IL1RAP: variants seen among roughly 807,000 people sequenced by gnomAD.
IL1RAP encodes the protein interleukin-1 receptor accessory protein.
Under a neutral mutation model 60.7 loss-of-function variants are expected in IL1RAP, and 35 were observed. The observed-to-expected ratio is 0.58, with a 90% CI of 0.44 to 0.76. IL1RAP has a LOEUF of 0.76. IL1RAP is among the 30% of genes least tolerant of loss of function. The probability of loss-of-function intolerance (pLI) is 0.00; values close to 1 mark genes in which losing one functional copy is unlikely to be tolerated. For synonymous variants in IL1RAP, 268 were observed against 250.9 expected, an observed-to-expected ratio of 1.07 and a Z score of -0.64; for missense variants, 572 against 693.9, an observed-to-expected ratio of 0.82 and a Z score of 1.97.
chr3:190,632,039 G>A (rs1459754992), intron 9 of IL1RAP, among the ~76,000 whole-genome samples: 3 of 152,100 alleles, frequency 2.0e-5, no homozygotes, highest in African/African-American at 7.2e-5. Context: ...CTGACCTCAG[G>A]TGATCCTCCT....
intron 4 of IL1RAP, among the ~76,000 whole-genome samples, chr3:190,605,300 CTT>C (rs5855340): frequency 0.59 from 88,723 of 150,246 alleles, 29,211 homozygotes; most frequent in East Asian, 0.82. Flanking sequence ...CAGTATTCCT[CTT>C]TTTTTTTTCT....
intron 3 of IL1RAP, among the ~76,000 whole-genome samples, chr3:190,575,432 G>A (rs1263501340): frequency 6.6e-6 from 1 of 152,184 alleles, no homozygotes; most frequent in Non-Finnish European, 1.5e-5. Context: ...GTTCTCTATA[G>A]TTATAAATAA....
In IL1RAP at chr3:190,649,662, C is replaced by G. The variant is rs1211396918; in HGVS notation, c.*957C>G. 2.0e-6 allele frequency: 2 copies of G among 985,704 alleles called. No homozygotes were observed. The highest frequency in any genetic ancestry group is 1.2e-4 in the Admixed American group (2 of 16,260). 61.1% of individuals were successfully genotyped at this position (985,704 alleles called of 1,614,324 possible). ...ATACTGGGAAAGTGATTTTTTCTCA[C>G]TCGTTTTTGTTGCTCCATTGTAAAG... is the stretch of plus-strand genomic sequence containing the variant. On this transcript the variant is annotated 3_prime_UTR_variant, in exon 12 of 12. Transcript: ENST00000447382.
intron 9 of IL1RAP, among the ~76,000 whole-genome samples, chr3:190,635,232 A>C (rs1388866044): frequency 6.6e-6 from 1 of 152,124 alleles, no homozygotes; most frequent in Admixed American, 6.5e-5. Flanking sequence ...CACTCCTGAT[A>C]TTAGTAATTG....
intron 5 of IL1RAP, among the ~76,000 whole-genome samples, chr3:190,611,993 T>C (rs958218806): frequency 1.3e-5 from 2 of 152,230 alleles, no homozygotes; most frequent in Admixed American, 6.5e-5. Flanking sequence ...AATACTAATG[T>C]TACTAATAAA....
At chr3:190,539,231 T>C (rs1365205185) in intron 1 of IL1RAP, among the ~76,000 whole-genome samples, 1 of 152,056 alleles carries the variant, frequency 6.6e-6, no homozygotes, top group Admixed American at 6.6e-5. Flanking sequence ...TATATCTGTG[T>C]ATCTGTGATG....
At chr3:190,654,063 G>A (rs1207097916), downstream of IL1RAP, among the ~76,000 whole-genome samples, 2 of 151,946 alleles carry the variant, frequency 1.3e-5, no homozygotes, top group African/African-American at 4.8e-5. Context: ...AAATTAAAGA[G>A]CAACAGACTC....
At chr3:190,591,437 T>C (rs1728930204) in intron 3 of IL1RAP, among the ~76,000 whole-genome samples, 1 of 152,170 alleles carries the variant, frequency 6.6e-6, no homozygotes, top group Admixed American at 6.5e-5. Context: ...TCATATATTG[T>C]TTACCCATCT....
chr3:190,592,624 AAACTAAG>A (rs1211806115), intron 3 of IL1RAP, among the ~76,000 whole-genome samples: 1 of 152,210 alleles, frequency 6.6e-6, no homozygotes, highest in African/African-American at 2.4e-5. Flanking sequence ...TTGTATTTAC[AAACTAAG>A]AGTGAAACTC....
intron 6 of IL1RAP, among the ~76,000 whole-genome samples, 179 bp from the exon 7 acceptor site, chr3:190,623,165 T>G (rs1731929011): frequency 6.6e-6 from 1 of 152,242 alleles, no homozygotes; most frequent in Non-Finnish European, 1.5e-5. Flanking sequence ...CTTTATTTTA[T>G]GCTTTGCTTG....
At chr3:190,547,073 T>C (rs1255801041) in intron 1 of IL1RAP, among the ~76,000 whole-genome samples, 1 of 152,248 alleles carries the variant, frequency 6.6e-6, no homozygotes, top group Non-Finnish European at 1.5e-5. Flanking sequence ...GCCAGTGTTC[T>C]GTTTTTTTGT....
downstream of IL1RAP, among the ~76,000 whole-genome samples, chr3:190,652,191 G>A (rs143253175): frequency 3.4e-3 from 522 of 151,940 alleles, 2 homozygotes; most frequent in African/African-American, 0.012. Flanking sequence ...CTGGCCAGGC[G>A]CGGTGGCTCA....
intron 1 of IL1RAP, among the ~76,000 whole-genome samples, chr3:190,551,678 A>G (rs1451251452): frequency 6.6e-6 from 1 of 152,160 alleles, no homozygotes; most frequent in Non-Finnish European, 1.5e-5. Context: ...CACTGTTACA[A>G]TCTCCAAAGT....
chr3:190,658,223 CAA>C (rs929884908), exon 12 of IL1RAP: 1 of 151,976 alleles, frequency 6.6e-6, no homozygotes, highest in Non-Finnish European at 1.5e-5. Context: ...AAGGAAAAAA[CAA>C]AGAGCCAAAC....
At chr3:190,564,192 C>A (rs1359065036) in intron 2 of IL1RAP, 97 bp from the exon 3 acceptor site, 2 of 772,430 alleles carry the variant, frequency 2.6e-6, no homozygotes, top group Non-Finnish European at 4.7e-6. Flanking sequence ...TAGAACAGTC[C>A]CTAGTCTATA....
At position 190,565,946 on chromosome 3, in the gene IL1RAP, G is replaced by A. The variant is rs1726349070; in HGVS notation, c.64+1593G>A. ...ACTCACATTCCCTGATATTATATTAGCCTTCTTTCTCTTCTCTCCTCCTCC... is the reference window on the plus strand; with the variant it reads ...ACTCACATTCCCTGATATTATATTAACCTTCTTTCTCTTCTCTCCTCCTCC... On this transcript the variant is annotated intron_variant, in intron 3 of 11. Transcript: ENST00000447382. 1.3e-5 allele frequency among the ~76,000 whole-genome samples: 2 copies of A among 151,584 alleles called. 1 individual carries two copies. The highest frequency in any genetic ancestry group is 4.2e-4 in the South Asian group (2 of 4,808).
At chr3:190,613,022 T>C (rs1730955799) in intron 5 of IL1RAP, among the ~76,000 whole-genome samples, 1 of 152,202 alleles carries the variant, frequency 6.6e-6, no homozygotes, top group African/African-American at 2.4e-5. Flanking sequence ...AATGACCTCA[T>C]AATTTAATAC....
intron 3 of IL1RAP, among the ~76,000 whole-genome samples, chr3:190,592,665 A>G (rs1205540843): frequency 2.0e-5 from 3 of 152,212 alleles, no homozygotes; most frequent in African/African-American, 7.2e-5. Flanking sequence ...ACTGACTGCA[A>G]ACTGCTCGGA....
rs1257220274 is a variant in IL1RAP, at chr3:190,650,370, C to T, written c.*1665C>T. Reference sequence around the variant, plus strand: ...TGGTCACTGCTAAGCAGTAGCCAGCCATCGGGCATTAATTGATTTCCTACT... The same window carrying T: ...TGGTCACTGCTAAGCAGTAGCCAGCTATCGGGCATTAATTGATTTCCTACT... On this transcript the variant is annotated 3_prime_UTR_variant, in exon 12 of 12. Transcript: ENST00000447382. 1.0e-6 allele frequency: 1 copy of T among 985,248 alleles called. No homozygotes were observed. The highest frequency in any genetic ancestry group is 1.7e-5 in the African/African-American group (1 of 57,214). 61.0% of individuals were successfully genotyped at this position (985,248 alleles called of 1,614,324 possible).
Sources: allele counts gnomAD v4.1 joint callset (sites outside exome capture counted in the v4.1 genomes callset), GRCh38; gene constraint gnomAD v4.1.1; transcripts MANE v1.5; gene names NCBI Gene and HGNC (gene_info 2026-07-23, HGNC 2026-07-21).